The following NEURL4 variants were observed in gnomAD, a reference collection of about 807,000 sequenced individuals.
The protein encoded by NEURL4 is neuralized E3 ubiquitin protein ligase 4, also known as neuralized-like protein 4.
Under a neutral mutation model 148.0 loss-of-function variants are expected in NEURL4, and 45 were observed. The observed-to-expected ratio is 0.30, with a 90% CI of 0.24 to 0.39. The LOEUF is 0.39. NEURL4 is among the 10% of genes least tolerant of loss of function. The pLI is 1.00. For synonymous variants in NEURL4, 854 were observed against 869.0 expected (o/e 0.98, Z 0.30); for missense variants, 1,776 against 2,144.0 (o/e 0.83, Z 3.39).
Position 7,324,716 on chromosome 17 carries a change from G to A in NEURL4, c.1813+83C>T. Reference sequence around the variant, plus strand: ...GGTCACAAGAGTGACAAGTGAAAAAGGAGCTGCAGAACAAGTGCCAGGGCT... The same window carrying A: ...GGTCACAAGAGTGACAAGTGAAAAAAGAGCTGCAGAACAAGTGCCAGGGCT... On this transcript the variant is annotated intron_variant, in intron 9 of 28. Coordinates refer to ENST00000399464, the MANE Select transcript of NEURL4 (RefSeq NM_032442.3). This position sits in a 1 kb window ranked among gnomAD's most constrained non-coding sequence, Gnocchi z 5.9. The A allele has an allele frequency of 6.9e-7, 1 of 1,446,612 alleles. No individual in the cohort carries two copies. Among genetic ancestry groups the A allele is most frequent in the Non-Finnish European group, 9.6e-7 (1 of 1,039,308 alleles). 89.6% of individuals were successfully genotyped at this position (1,446,612 alleles called of 1,614,324 possible).
At chr17:7,325,144 T>TGGGGGGGGGGGGGGCGGGGG in intron 8 of NEURL4, 65 bp downstream of exon 8, 1 of 956,488 alleles carries the variant, frequency 1.0e-6, no homozygotes, top group Non-Finnish European at 1.5e-6. Flanking sequence ...TCCACTTCCT[T>TGGGGGGGGGGGGGGCGGGGG]GCCCCGCCCC....
In NEURL4 at chr17:7,320,761, G is replaced by C; in HGVS notation, c.3523C>G (p.Gln1175Glu). Residue 1175 changes from glutamine (Q) to glutamate (E), a missense_variant and splice_region_variant, in exon 21 of 29, where the codon CAG (glutamine) becomes GAG (glutamate). By Grantham distance (29) the Gln-to-Glu change is conservative. Transcript: ENST00000399464. ...NQPLVPQLLV[Q>E]VRIDFLNRQW... ...GGGGATAGGGAGGGAGAACCCACCT[G>C]CACCAGCAGCTGGGGCACCAGAGGT... 2 of 1,613,098 alleles carry C rather than the reference G, an allele frequency of 1.2e-6. No individual in the cohort carries two copies. Among genetic ancestry groups the C allele is most frequent in the Non-Finnish European group, 1.7e-6 (2 of 1,179,404 alleles).
At chr17:7,316,802 G>A (rs1032657785) in intron 28 of NEURL4, among the ~76,000 whole-genome samples, 2 of 151,992 alleles carry the variant, frequency 1.3e-5, no homozygotes, top group African/African-American at 2.4e-5. Flanking sequence ...CGTGCCTGTA[G>A]TCCCAGCTAC....
Position 7,326,747 on chromosome 17 carries a change from C to T in NEURL4, c.1056G>A (p.Met352Ile), listed in dbSNP as rs569217688. Residue 352 changes from methionine to isoleucine, a missense_variant, in exon 4 of 29, where the codon ATG becomes ATA. Transcript: ENST00000399464. This position sits in a 1 kb window ranked among gnomAD's most constrained non-coding sequence, Gnocchi z 6.0. ...CATTGTCCCGAAGGGGGCGATTGGT[C>T]ATGACAACCCCATTGTTGAATTCAT... ...PLDEFNNGVV[M>I]TNRPLRDNEM... 6.2e-7 allele frequency: 1 copy of T among 1,612,650 alleles called. No homozygotes were observed. The highest frequency in any genetic ancestry group is 1.1e-5 in the South Asian group (1 of 90,872).
Sources: allele counts gnomAD v4.1 joint callset (sites outside exome capture counted in the v4.1 genomes callset), GRCh38; gene constraint gnomAD v4.1.1; non-coding constraint Gnocchi (gnomAD v3.1); transcripts MANE v1.5; gene names NCBI Gene and HGNC (gene_info 2026-07-23, HGNC 2026-07-21).